KCTD16: variants seen among roughly 807,000 people sequenced by gnomAD.
The protein encoded by KCTD16 is BTB/POZ domain-containing protein KCTD16.
In KCTD16, 13 loss-of-function variants were observed where a neutral mutation model predicts 33.2. The ratio of observed to expected loss-of-function variants is 0.39; its 90% CI spans 0.25 to 0.62. The LOEUF is 0.62. KCTD16 is among the 20% of genes least tolerant of loss of function. KCTD16 has a pLI of 0.50. For synonymous variants in KCTD16, 197 were observed against 195.3 expected (o/e 1.01, Z -0.07); for missense variants, 441 against 525.1 (o/e 0.84, Z 1.57).
chr5:144,179,955 TC>T (rs1214329198), intron 2 of KCTD16, among the ~76,000 whole-genome samples: 1 of 152,244 alleles, frequency 6.6e-6, no homozygotes, highest in Non-Finnish European at 1.5e-5. Flanking sequence ...TCGCCCATTT[TC>T]CCTGTGGGTG....
chr5:144,380,980 T>C (rs1752200442), intron 3 of KCTD16, among the ~76,000 whole-genome samples: 1 of 152,118 alleles, frequency 6.6e-6, no homozygotes, highest in Non-Finnish European at 1.5e-5. Context: ...CCAGAGTTTC[T>C]GCACAGCAAA....
At chr5:144,418,266 G>A (rs769593092) in intron 3 of KCTD16, among the ~76,000 whole-genome samples, 1 of 152,178 alleles carries the variant, frequency 6.6e-6, no homozygotes, top group African/African-American at 2.4e-5. Context: ...CAGCGTGGAA[G>A]GAGACCGAGT....
At chr5:144,182,746 GAGAGAGAGAGAGAGAA>G (rs1165675435) in intron 2 of KCTD16, among the ~76,000 whole-genome samples, 1 of 150,372 alleles carries the variant, frequency 6.7e-6, no homozygotes, top group Admixed American at 6.6e-5. Flanking sequence ...ATCCCTGTCT[GAGAGAGAGAGAGAGAA>G]AGAGAGAGAG....
intron 3 of KCTD16, among the ~76,000 whole-genome samples, chr5:144,379,987 G>A (rs1428859): frequency 0.78 from 118,330 of 152,008 alleles, 46,429 homozygotes; most frequent in South Asian, 0.89. Flanking sequence ...ATAGACGGCA[G>A]TATGCTGGTT....
rs1754659932 is a variant in KCTD16, at chr5:144,479,376, A to AAAAAAAAAAAAG, written c.*5267_*5268insAAAAAAGAAAAA. 1 of 149,272 alleles carries AAAAAAAAAAAAG rather than the reference A, an allele frequency of 6.7e-6. No homozygotes were observed. The allele number at this position is 149,272 out of a possible 1,614,324, so 9.2% of individuals were successfully genotyped here. A position where few individuals can be genotyped will look rare whatever the true frequency, so the allele number is the denominator to read the frequency against. ...TGTAAGAATAAATGCAAAAAAAAAA[A>AAAAAAAAAAAAG]AAAAAGAAAAAGAAAAAGAAAGCAA... On this transcript the variant is annotated 3_prime_UTR_variant, in exon 4 of 4. Transcript: ENST00000512467.
chr5:144,232,290 T>C (rs1349738276), intron 3 of KCTD16, among the ~76,000 whole-genome samples: 1 of 152,232 alleles, frequency 6.6e-6, no homozygotes, highest in East Asian at 1.9e-4. Flanking sequence ...GTTTTTGAAA[T>C]TCCAGATATT....
intron 3 of KCTD16, among the ~76,000 whole-genome samples, chr5:144,230,384 A>G (rs777656074): frequency 6.6e-6 from 1 of 152,212 alleles, no homozygotes; most frequent in Non-Finnish European, 1.5e-5. Flanking sequence ...TAAGAACCAT[A>G]TATCTCAAAC....
intron 2 of KCTD16, among the ~76,000 whole-genome samples, chr5:144,199,318 G>C (rs1357756300): frequency 6.6e-6 from 1 of 152,106 alleles, no homozygotes; most frequent in African/African-American, 2.4e-5. Flanking sequence ...ATATTACATA[G>C]TACATAGAGC....
At chr5:144,412,702 A>G (rs1042716585) in intron 3 of KCTD16, among the ~76,000 whole-genome samples, 2 of 152,140 alleles carry the variant, frequency 1.3e-5, no homozygotes, top group Non-Finnish European at 2.9e-5. Context: ...CCTGGCCAAC[A>G]TGATGAACCC....
chr5:144,308,555 A>G (rs1191008969), intron 3 of KCTD16, among the ~76,000 whole-genome samples: 1 of 152,154 alleles, frequency 6.6e-6, no homozygotes, highest in Non-Finnish European at 1.5e-5. Context: ...TTTTATGGGG[A>G]TCTGGAGTCT....
chr5:144,459,010 G>C (rs1216961545), intron 3 of KCTD16, among the ~76,000 whole-genome samples: 2 of 152,202 alleles, frequency 1.3e-5, no homozygotes, highest in African/African-American at 4.8e-5. Flanking sequence ...GCTCTAGTTT[G>C]CAATGTCAAT....
At chr5:144,364,249 CT>C (rs1350957167) in intron 3 of KCTD16, among the ~76,000 whole-genome samples, 1 of 152,166 alleles carries the variant, frequency 6.6e-6, no homozygotes, top group Non-Finnish European at 1.5e-5. Context: ...GCTTCTGCAC[CT>C]GCAATTCTTG....
chr5:144,303,898 T>C (rs1561560423), intron 3 of KCTD16, among the ~76,000 whole-genome samples: 1 of 152,210 alleles, frequency 6.6e-6, no homozygotes, highest in Admixed American at 6.6e-5. Flanking sequence ...TCTGTGGTCA[T>C]TGGAGAGTGC....
At chr5:144,471,254 T>A (rs945978225) in intron 3 of KCTD16, among the ~76,000 whole-genome samples, 1 of 152,148 alleles carries the variant, frequency 6.6e-6, no homozygotes, top group Admixed American at 6.5e-5. Flanking sequence ...TCCTTCTGGG[T>A]CCATTGAATG....
At chr5:144,194,603 A>G (rs909899027) in intron 2 of KCTD16, among the ~76,000 whole-genome samples, 3 of 152,208 alleles carry the variant, frequency 2.0e-5, no homozygotes, top group Non-Finnish European at 4.4e-5. Flanking sequence ...TTTGTTGAGC[A>G]TTTACTATGG....
intron 2 of KCTD16, among the ~76,000 whole-genome samples, chr5:144,179,185 AG>A (rs1752567844): frequency 6.6e-6 from 1 of 152,160 alleles, no homozygotes; most frequent in African/African-American, 2.4e-5. Flanking sequence ...AGGTTCCTAA[AG>A]GTTTGGCCAT....
intron 3 of KCTD16, among the ~76,000 whole-genome samples, chr5:144,320,552 T>C (rs527690824): frequency 6.6e-6 from 1 of 152,176 alleles, no homozygotes; most frequent in Non-Finnish European, 1.5e-5. Flanking sequence ...AAACTTGTGA[T>C]TTAATGTTTA....
chr5:144,369,496 C>T (rs1345604662), intron 3 of KCTD16: 1 of 152,112 alleles, frequency 6.6e-6, no homozygotes, highest in Non-Finnish European at 1.5e-5. Flanking sequence ...TTATTACATC[C>T]CTATTACTAT....
At chr5:144,350,986 G>A (rs1476946553) in intron 3 of KCTD16, among the ~76,000 whole-genome samples, 1 of 152,034 alleles carries the variant, frequency 6.6e-6, no homozygotes, top group Non-Finnish European at 1.5e-5. Context: ...TAAGAAGCAA[G>A]AAAATTGCAT....
Sources: allele counts gnomAD v4.1 joint callset (sites outside exome capture counted in the v4.1 genomes callset), GRCh38; gene constraint gnomAD v4.1.1; transcripts MANE v1.5; gene names NCBI Gene and HGNC (gene_info 2026-07-23, HGNC 2026-07-21).